NRCAM: variants seen among roughly 807,000 people sequenced by gnomAD.
The protein encoded by NRCAM is NgCAM-related cell adhesion molecule.
Under a neutral mutation model 156.5 loss-of-function variants are expected in NRCAM, and 83 were observed. The observed-to-expected ratio is 0.53, with a 90% CI of 0.44 to 0.64. NRCAM has a LOEUF of 0.64. NRCAM is among the 30% of genes least tolerant of loss of function. NRCAM has a pLI of 0.00. For missense variants in NRCAM, 1,417 were observed against 1,597.3 expected (o/e 0.89, Z 1.92); for synonymous variants, 538 against 563.9 (o/e 0.95, Z 0.65).
chr7:108,384,726 T>G (rs958502448), intron 2 of NRCAM, among the ~76,000 whole-genome samples: 1 of 152,224 alleles, frequency 6.6e-6, no homozygotes, highest in Non-Finnish European at 1.5e-5. Context: ...CCCACAACTT[T>G]GCTTTCTAAC....
chr7:108,351,880 T>C (rs754071603), intron 2 of NRCAM, among the ~76,000 whole-genome samples: 4 of 152,218 alleles, frequency 2.6e-5, no homozygotes, highest in African/African-American at 4.8e-5. Context: ...AGTGCAATTA[T>C]GTTGTTTGTA....
intron 13 of NRCAM, among the ~76,000 whole-genome samples, chr7:108,206,436 T>C (rs1224273365): frequency 6.6e-6 from 1 of 152,164 alleles, no homozygotes; most frequent in African/African-American, 2.4e-5. Flanking sequence ...TTATTGTGAG[T>C]AAAGAATACC....
intron 2 of NRCAM, among the ~76,000 whole-genome samples, chr7:108,380,417 AACTT>A (rs1388503864): frequency 6.6e-6 from 1 of 152,110 alleles, no homozygotes; most frequent in African/African-American, 2.4e-5. Context: ...TTGAGTTTTA[AACTT>A]CGGTTATTTG....
At chr7:108,314,533 G>A (rs560156938) in intron 2 of NRCAM, among the ~76,000 whole-genome samples, 4 of 152,104 alleles carry the variant, frequency 2.6e-5, no homozygotes, top group African/African-American at 9.6e-5. Flanking sequence ...ACATCCACGC[G>A]AAAAATGTAA....
chr7:108,393,041 C>G (rs2099765806), intron 2 of NRCAM, among the ~76,000 whole-genome samples: 1 of 152,144 alleles, frequency 6.6e-6, no homozygotes, highest in South Asian at 2.1e-4. Flanking sequence ...GCAGAGTGTC[C>G]ATTCTCAGAT....
At chr7:108,175,019 G>A (rs924959893) in intron 28 of NRCAM, among the ~76,000 whole-genome samples, 6 of 152,154 alleles carry the variant, frequency 3.9e-5, no homozygotes, top group African/African-American at 9.7e-5. Flanking sequence ...CCATATAGAG[G>A]ATCTGTGACA....
chr7:108,204,189 G>A (rs1442834580), intron 13 of NRCAM, among the ~76,000 whole-genome samples: 3 of 152,304 alleles, frequency 2.0e-5, no homozygotes, highest in South Asian at 2.1e-4. Context: ...AAAAGAGAGC[G>A]GCACAGGGCT....
intron 3 of NRCAM, among the ~76,000 whole-genome samples, chr7:108,271,739 AG>A (rs964172442): frequency 6.6e-6 from 1 of 151,974 alleles, no homozygotes; most frequent in Non-Finnish European, 1.5e-5. Context: ...AGATTACCAT[AG>A]GGTAACCTGA....
intron 3 of NRCAM, among the ~76,000 whole-genome samples, chr7:108,296,661 T>C (rs1281279275): frequency 6.6e-6 from 1 of 152,158 alleles, no homozygotes; most frequent in Non-Finnish European, 1.5e-5. Flanking sequence ...GTCTTGAGAA[T>C]AGATATTTTT....
chr7:108,237,295 T>C (rs756090327), intron 5 of NRCAM, among the ~76,000 whole-genome samples: 1 of 152,174 alleles, frequency 6.6e-6, no homozygotes, highest in Non-Finnish European at 1.5e-5. Context: ...CTAGAAATAC[T>C]AGTCTACATA....
intron 5 of NRCAM, 38 bp from the exon 6 acceptor site, chr7:108,234,726 T>G (rs1269633): frequency 2.9e-6 from 4 of 1,379,634 alleles, no homozygotes; most frequent in Non-Finnish European, 3.1e-6. Context: ...AAAAACAAAT[T>G]ATTTAAAATC....
intron 2 of NRCAM, among the ~76,000 whole-genome samples, chr7:108,342,377 C>G (rs1432892883): frequency 1.3e-5 from 2 of 152,230 alleles, no homozygotes; most frequent in Non-Finnish European, 2.9e-5. Context: ...CTGGCTTATC[C>G]TCATCCCAAA....
intron 2 of NRCAM, among the ~76,000 whole-genome samples, chr7:108,356,682 T>C (rs895722057): frequency 3.3e-5 from 5 of 152,214 alleles, no homozygotes; most frequent in African/African-American, 9.7e-5. Context: ...GCTTGACTTA[T>C]ATTAGTTTAT....
intron 1 of NRCAM, among the ~76,000 whole-genome samples, chr7:108,417,741 CTTCTCT>C (rs1045083165): frequency 1.3e-5 from 2 of 152,126 alleles, no homozygotes; most frequent in African/African-American, 4.8e-5. Flanking sequence ...TTTCTCTGCT[CTTCTCT>C]TTCTTTCTTT....
At chr7:108,341,356 T>C (rs1041293442) in intron 2 of NRCAM, among the ~76,000 whole-genome samples, 1 of 152,096 alleles carries the variant, frequency 6.6e-6, no homozygotes, top group African/African-American at 2.4e-5. Context: ...TCAGTCTTAC[T>C]CTCCTGTCCC....
At chr7:108,369,110 T>G (rs975881482) in intron 2 of NRCAM, among the ~76,000 whole-genome samples, 12 of 152,174 alleles carry the variant, frequency 7.9e-5, no homozygotes, top group Non-Finnish European at 1.5e-4. Flanking sequence ...GTGATACAGA[T>G]GATGCATTCA....
chr7:108,258,142 T>C (rs1269651), intron 3 of NRCAM, among the ~76,000 whole-genome samples: 70,760 of 152,110 alleles, frequency 0.47, 18,699 homozygotes, highest in East Asian at 0.86. Flanking sequence ...TGTGCTCTGA[T>C]GGAAATTCTG....
intron 1 of NRCAM, among the ~76,000 whole-genome samples, chr7:108,400,594 C>T (rs2099789537): frequency 6.6e-6 from 1 of 152,204 alleles, no homozygotes; most frequent in Non-Finnish European, 1.5e-5. Flanking sequence ...GATGACCCCT[C>T]TAGCTCTAAC....
At chr7:108,391,682 C>T (rs1420305061) in intron 2 of NRCAM, among the ~76,000 whole-genome samples, 9 of 152,160 alleles carry the variant, frequency 5.9e-5, no homozygotes, top group Admixed American at 3.9e-4. Flanking sequence ...ATGGTCTTTA[C>T]AATTTGGCAT....
Sources: allele counts gnomAD v4.1 joint callset (sites outside exome capture counted in the v4.1 genomes callset), GRCh38; gene constraint gnomAD v4.1.1; transcripts MANE v1.5; gene names NCBI Gene and HGNC (gene_info 2026-07-23, HGNC 2026-07-21).